Variants in SEC14L1 observed in about 807,000 individuals in gnomAD.
SEC14L1 encodes SEC14 like lipid binding 1.
In SEC14L1, 48 loss-of-function variants were observed where a neutral mutation model predicts 85.3. The ratio of observed to expected loss-of-function variants is 0.56; its 90% confidence interval spans 0.45 to 0.72. SEC14L1 has a LOEUF of 0.72. SEC14L1 is among the 30% of genes least tolerant of loss of function. The pLI is 0.00. For missense variants in SEC14L1, 682 were observed against 921.4 expected, an observed-to-expected ratio of 0.74 and a Z score of 3.36; for synonymous variants, 391 against 355.5, an observed-to-expected ratio of 1.10 and a Z score of -1.12.
chr17:77,105,632 TTAAAC>T (rs1439999477), intron 3 of SEC14L1, among the ~76,000 whole-genome samples: 1 of 152,070 alleles, frequency 6.6e-6, no homozygotes, highest in African/African-American at 2.4e-5. Context: ...GGCCTGCAAA[TTAAAC>T]TGACCAAAGA....
intron 2 of SEC14L1, among the ~76,000 whole-genome samples, chr17:77,091,558 T>C (rs908480082): frequency 5.3e-5 from 8 of 152,186 alleles, no homozygotes; most frequent in African/African-American, 1.9e-4. Flanking sequence ...CATGTAGCTG[T>C]TGAGCATTTG....
At position 77,162,830 on chromosome 17, in the gene SEC14L1, C is replaced by CAAA. The variant is rs55856950; in HGVS notation, c.63+19181_63+19183dup. Among the ~76,000 whole-genome samples the CAAA allele has an allele frequency of 4.1e-3, 615 of 148,314 alleles. 3 individuals are homozygous for CAAA. Among genetic ancestry groups the CAAA allele is most frequent in the East Asian group, 0.025 (128 of 5,042 alleles). On this transcript the variant is annotated intron_variant, in intron 3 of 16. Transcript: ENST00000436233. Reference sequence around the variant, plus strand: ...GGGCAACAAGAGCGAAACTCTGTCTCAAAAAAAAAAAATGTGTTGTGGATT... The same window carrying CAAA: ...GGGCAACAAGAGCGAAACTCTGTCTCAAAAAAAAAAAAAAATGTGTTGTGGATT...
intron 8 of SEC14L1, 60 bp from the exon 9 acceptor site, chr17:77,200,424 C>T: frequency 7.1e-7 from 1 of 1,418,352 alleles, no homozygotes; most frequent in Non-Finnish European, 9.8e-7. Context: ...CCACCGCAGC[C>T]TCCCAAAGTT....
At chr17:77,118,749 G>A (rs1179854790) in intron 3 of SEC14L1, among the ~76,000 whole-genome samples, 1 of 152,158 alleles carries the variant, frequency 6.6e-6, no homozygotes, top group Non-Finnish European at 1.5e-5. Context: ...GCATGCAGGC[G>A]GTGCACCTAG....
chr17:77,178,456 T>C (rs1428911371), intron 3 of SEC14L1, among the ~76,000 whole-genome samples: 1 of 152,192 alleles, frequency 6.6e-6, no homozygotes, highest in East Asian at 1.9e-4. Flanking sequence ...TTGTGGGTAA[T>C]TTTTTCAAGG....
At chr17:77,110,662 T>C (rs992482387) in intron 3 of SEC14L1, among the ~76,000 whole-genome samples, 14 of 148,322 alleles carry the variant, frequency 9.4e-5, no homozygotes, top group Non-Finnish European at 2.1e-4. Context: ...GGGTGGATCA[T>C]GAGGTCAGGA....
At chr17:77,192,299 GCCCTTCTC>G (rs753911343) in intron 5 of SEC14L1, among the ~76,000 whole-genome samples, 8 of 152,100 alleles carry the variant, frequency 5.3e-5, no homozygotes, top group Non-Finnish European at 1.0e-4. Context: ...CTGTATTTCT[GCCCTTCTC>G]CCCTGCAGTG....
intron 8 of SEC14L1, chr17:77,198,809 T>C (rs1027853007): frequency 1.3e-5 from 2 of 152,174 alleles, no homozygotes; most frequent in African/African-American, 4.8e-5. Flanking sequence ...CCTGACCTCA[T>C]GATCCACCCG....
At position 77,216,266 on chromosome 17, in the gene SEC14L1, C is replaced by CGTAGGTAGGGCTA; in HGVS notation, c.*2253_*2254insCTAGTAGGTAGGG. On this transcript the variant is annotated 3_prime_UTR_variant, in exon 17 of 17. Transcript: ENST00000436233. ...GTAGGTAGGGTTCGTAGGTAGGGTT[C>CGTAGGTAGGGCTA]GTAGGTAGGGTTAGTAGGTAGGGTT... 1.8e-6 allele frequency: 2 copies of CGTAGGTAGGGCTA among 1,098,358 alleles called. No individual in the cohort carries two copies. Among genetic ancestry groups the CGTAGGTAGGGCTA allele is most frequent in the South Asian group, 2.7e-5 (1 of 37,444 alleles). 68.0% of individuals were successfully genotyped at this position (1,098,358 alleles called of 1,614,324 possible).
intron 3 of SEC14L1, among the ~76,000 whole-genome samples, chr17:77,155,300 A>AC (rs1441670823): frequency 6.6e-6 from 1 of 152,032 alleles, no homozygotes; most frequent in Non-Finnish European, 1.5e-5. Context: ...AAAAACACAC[A>AC]CCCCAACAGA....
At chr17:77,153,702 G>A (rs2143584798) in intron 3 of SEC14L1, among the ~76,000 whole-genome samples, 1 of 152,196 alleles carries the variant, frequency 6.6e-6, no homozygotes, top group African/African-American at 2.4e-5. Flanking sequence ...TGTGGTCTGA[G>A]GTGTCCAGTT....
chr17:77,119,031 C>T (rs1483877868), intron 3 of SEC14L1, among the ~76,000 whole-genome samples: 3 of 152,070 alleles, frequency 2.0e-5, no homozygotes, highest in Non-Finnish European at 2.9e-5. Context: ...CTGTACAGGC[C>T]GGGTACAGTG....
Position 77,213,337 on chromosome 17 carries a change from G to T in SEC14L1, c.1887G>T (p.Pro629=). The change falls in exon 16 of 17, where the codon CCG becomes CCT. Residue 629 remains proline, a synonymous_variant. Transcript: ENST00000436233. This position sits in a 1 kb window ranked among gnomAD's most constrained non-coding sequence, Gnocchi z 7.1. ...SVQGSHVTRW[P]GFYILQWKFH... The stretch of plus-strand genomic sequence containing the variant: ...AGGGTTCCCATGTGACCAGGTGGCC[G>T]GGCTTCTACATCCTGCAGTGGAAAT... 3.7e-6 allele frequency: 6 copies of T among 1,611,952 alleles called. No homozygotes were observed. Among genetic ancestry groups the T allele is most frequent in the Non-Finnish European group, 4.2e-6 (5 of 1,179,156 alleles).
intron 3 of SEC14L1, chr17:77,127,838 G>A (rs567464699): frequency 6.6e-6 from 1 of 152,256 alleles, no homozygotes; most frequent in Non-Finnish European, 1.5e-5. Context: ...TCTCATTTTG[G>A]TGGCTTTATA....
chr17:77,169,320 C>T (rs975348127), intron 3 of SEC14L1, among the ~76,000 whole-genome samples: 2 of 152,102 alleles, frequency 1.3e-5, no homozygotes, highest in Non-Finnish European at 2.9e-5. Flanking sequence ...CCAGATGGCC[C>T]TCGGGGGCTG....
upstream of SEC14L1, among the ~76,000 whole-genome samples, chr17:77,139,250 C>T (rs1972892205): frequency 1.3e-5 from 2 of 150,366 alleles, no homozygotes; most frequent in African/African-American, 4.9e-5. Flanking sequence ...TCTTGCCTCA[C>T]TGCAACCTCT....
At chr17:77,105,745 T>G (rs150043937) in intron 3 of SEC14L1, among the ~76,000 whole-genome samples, 2 of 152,288 alleles carry the variant, frequency 1.3e-5, no homozygotes, top group African/African-American at 4.8e-5. Context: ...GGGGCTTGTA[T>G]ACCATCTTCA....
At chr17:77,182,163 C>T (rs1050569269) in intron 3 of SEC14L1, among the ~76,000 whole-genome samples, 1 of 152,182 alleles carries the variant, frequency 6.6e-6, no homozygotes. Context: ...GAACATAGCT[C>T]ATGTTAAAGG....
intron 3 of SEC14L1, among the ~76,000 whole-genome samples, chr17:77,153,081 T>G (rs1397431740): frequency 6.6e-6 from 1 of 152,162 alleles, no homozygotes. Context: ...TTATTATTAT[T>G]TTTTTGAGGC....
Sources: gnomAD v4.1 joint callset for allele counts (sites outside exome capture counted in the v4.1 genomes callset) on GRCh38, gnomAD v4.1.1 for gene constraint, Gnocchi (gnomAD v3.1) non-coding constraint, MANE v1.5 for transcripts, NCBI Gene and HGNC (gene_info 2026-07-23, HGNC 2026-07-21) for gene names.